PRIM2: variants seen among roughly 807,000 people sequenced by gnomAD.
PRIM2 encodes DNA primase large subunit.
In PRIM2, 39 loss-of-function variants were observed where a neutral mutation model predicts 67.3. The ratio of observed to expected loss-of-function variants is 0.58; its 90% CI spans 0.45 to 0.76. The LOEUF is 0.76. Among genes scored for constraint, PRIM2 ranks in the 30% least tolerant of loss-of-function variants. PRIM2 has a pLI of 0.00. For synonymous variants in PRIM2, 143 were observed against 198.7 expected, an observed-to-expected ratio of 0.72 and a Z score of 2.36; for missense variants, 398 against 598.7, an observed-to-expected ratio of 0.66 and a Z score of 3.50.
At position 57,397,176 on chromosome 6, in the gene PRIM2, G is replaced by A. The variant is rs1001491332; in HGVS notation, c.693+15008G>A. Among the ~76,000 whole-genome samples the A allele has an allele frequency of 2.0e-5, 3 of 152,004 alleles. No individual in the cohort carries two copies. The South Asian group carries it at 6.2e-4, about 32-fold the overall frequency. On this transcript the variant is annotated intron_variant, in intron 7 of 13. Coordinates refer to ENST00000615550, the MANE Select transcript of PRIM2 (RefSeq NM_000947.5). ...AGATCTTTTTGTGATGGATTTCCTG[G>A]GTATTCTTTGTGCTTCTTATATTTG...
the PRIM2 span, among the ~76,000 whole-genome samples, chr6:57,259,624 T>C: frequency 6.6e-6 from 1 of 152,168 alleles, no homozygotes; most frequent in Non-Finnish European, 1.5e-5. Context: ...TGTGCCCAAC[T>C]GAGATATACT....
chr6:57,230,541 G>A, the PRIM2 span, among the ~76,000 whole-genome samples: 4 of 152,276 alleles, frequency 2.6e-5, no homozygotes, highest in East Asian at 1.9e-4. Context: ...TATCAGTTCA[G>A]TTAGCATCGT....
intron 10 of PRIM2, among the ~76,000 whole-genome samples, chr6:57,562,382 T>C (rs1462576303): frequency 1.8e-4 from 28 of 152,306 alleles, no homozygotes; most frequent in African/African-American, 6.7e-4. Context: ...CACAATAAGA[T>C]GAGGAATGTG....
intron 12 of PRIM2, among the ~76,000 whole-genome samples, chr6:57,630,959 C>T (rs1474858365): frequency 6.6e-6 from 1 of 152,176 alleles, no homozygotes; most frequent in Non-Finnish European, 1.5e-5. Context: ...GTCAGACTGG[C>T]AGAAACCTGG....
chr6:57,342,458 A>AG (rs36007940), intron 5 of PRIM2, among the ~76,000 whole-genome samples: 108,382 of 151,966 alleles, frequency 0.71, 39,088 homozygotes, highest in African/African-American at 0.83. Flanking sequence ...GGGAAAGGTC[A>AG]GCTTTGGCAG....
At chr6:57,348,271 T>C (rs1768743840) in intron 5 of PRIM2, among the ~76,000 whole-genome samples, 1 of 152,206 alleles carries the variant, frequency 6.6e-6, no homozygotes, top group East Asian at 1.9e-4. Flanking sequence ...ACATTGTATA[T>C]TTTAGTTCAT....
At chr6:57,607,352 AC>A (rs1294209207) in intron 12 of PRIM2, among the ~76,000 whole-genome samples, 1 of 151,954 alleles carries the variant, frequency 6.6e-6, no homozygotes, top group Non-Finnish European at 1.5e-5. Flanking sequence ...AAATCCTGCT[AC>A]CACAAAACCA....
At chr6:57,570,483 C>T (rs1775842583) in intron 10 of PRIM2, among the ~76,000 whole-genome samples, 2 of 152,174 alleles carry the variant, frequency 1.3e-5, no homozygotes, top group Non-Finnish European at 2.9e-5. Context: ...CTATATGCTG[C>T]TGGCTTTCTC....
At chr6:57,289,804 A>G in the PRIM2 span, among the ~76,000 whole-genome samples, 1 of 152,222 alleles carries the variant, frequency 6.6e-6, no homozygotes, top group Non-Finnish European at 1.5e-5. Flanking sequence ...TCCTGAAGGA[A>G]GCACTGAACA....
chr6:57,500,267 G>C (rs1554346741), intron 7 of PRIM2, among the ~76,000 whole-genome samples: 79,189 of 151,950 alleles, frequency 0.52, 21,978 homozygotes, highest in African/African-American at 0.71. Flanking sequence ...TTTGCCTCTA[G>C]TTTAGTTTGC....
At chr6:57,226,730 G>A in the PRIM2 span, among the ~76,000 whole-genome samples, 242 of 152,350 alleles carry the variant, frequency 1.6e-3, no homozygotes, top group Non-Finnish European at 2.3e-3. Flanking sequence ...GTTCAGGCAA[G>A]AGATGATGGA....
intron 7 of PRIM2, among the ~76,000 whole-genome samples, chr6:57,419,493 A>T (rs9296878): frequency 6.6e-6 from 1 of 152,136 alleles, no homozygotes; most frequent in African/African-American, 2.4e-5. Context: ...TGACAAAGGG[A>T]GGGAGTATTT....
chr6:57,272,084 C>T, the PRIM2 span, among the ~76,000 whole-genome samples: 2 of 152,134 alleles, frequency 1.3e-5, no homozygotes, highest in Non-Finnish European at 2.9e-5. Context: ...TGGTGTGGTG[C>T]TGAAAGGAAC....
chr6:57,320,395 T>G, intron 2 of PRIM2, 62 bp from the exon 3 acceptor site: 9 of 1,166,840 alleles, frequency 7.7e-6, no homozygotes, highest in Non-Finnish European at 1.1e-5. Context: ...CCTCCATAGA[T>G]TTTGTCTTGG....
intron 7 of PRIM2, among the ~76,000 whole-genome samples, chr6:57,388,739 C>T (rs1581853975): frequency 6.6e-6 from 1 of 151,956 alleles, no homozygotes; most frequent in African/African-American, 2.4e-5. Context: ...ATGCCTTTGC[C>T]AAGATGTAGA....
At chr6:57,335,717 A>G (rs1462060685) in intron 5 of PRIM2, among the ~76,000 whole-genome samples, 2 of 152,224 alleles carry the variant, frequency 1.3e-5, no homozygotes, top group Non-Finnish European at 2.9e-5. Flanking sequence ...TCTGTACACC[A>G]TCATCAAAGA....
At chr6:57,473,215 C>G (rs1773379150) in intron 7 of PRIM2, among the ~76,000 whole-genome samples, 2 of 152,156 alleles carry the variant, frequency 1.3e-5, no homozygotes, top group Non-Finnish European at 2.9e-5. Flanking sequence ...ATGGGCTTTG[C>G]TGAAGCTGTT....
chr6:57,583,557 T>A (rs1776137024), intron 10 of PRIM2, among the ~76,000 whole-genome samples: 1 of 152,090 alleles, frequency 6.6e-6, no homozygotes, highest in South Asian at 2.1e-4. Context: ...TGCCACATTT[T>A]CTTAATCCAG....
chr6:57,460,172 A>G (rs1282468357), intron 7 of PRIM2, among the ~76,000 whole-genome samples: 1 of 149,742 alleles, frequency 6.7e-6, no homozygotes, highest in African/African-American at 2.5e-5. Context: ...TTTTTTTTTC[A>G]AACTTGAAAG....
Sources: allele counts gnomAD v4.1 joint callset (sites outside exome capture counted in the v4.1 genomes callset), GRCh38; gene constraint gnomAD v4.1.1; transcripts MANE v1.5; gene names NCBI Gene and HGNC (gene_info 2026-07-23, HGNC 2026-07-21).